The following GLIS3 variants were observed in gnomAD, a reference collection of about 807,000 sequenced individuals.
The protein encoded by GLIS3 is GLIS family zinc finger 3, also known as zinc finger protein GLIS3.
GLIS3 carries 53 observed loss-of-function variants against 78.6 expected under a neutral mutation model. That is an observed-to-expected ratio of 0.67 (90% confidence interval 0.54 to 0.85). The LOEUF is 0.85. Among genes scored for constraint, GLIS3 ranks in the 40% least tolerant of loss-of-function variants. GLIS3 has a pLI of 0.00. For synonymous variants in GLIS3, 684 were observed against 509.9 expected, an observed-to-expected ratio of 1.34 and a Z score of -4.60; for missense variants, 1,703 against 1,231.1, an observed-to-expected ratio of 1.38 and a Z score of -5.74.
At chr9:4,424,749 T>C in the GLIS3 span, among the ~76,000 whole-genome samples, 1 of 152,112 alleles carries the variant, frequency 6.6e-6, no homozygotes. Flanking sequence ...ATTTTATTCA[T>C]TGTAGAGACG....
At chr9:4,002,861 G>C (rs1417738043) in intron 4 of GLIS3, among the ~76,000 whole-genome samples, 2 of 152,130 alleles carry the variant, frequency 1.3e-5, no homozygotes, top group African/African-American at 4.8e-5. Context: ...TTAAATATGA[G>C]CGTGATGGTT....
At chr9:3,882,858 A>C (rs1362728393) in intron 7 of GLIS3, among the ~76,000 whole-genome samples, 2 of 152,200 alleles carry the variant, frequency 1.3e-5, no homozygotes, top group African/African-American at 2.4e-5. Flanking sequence ...ACTTGCCTTT[A>C]CTTTCTATAG....
chr9:4,245,331 TA>T (rs1213704149), intron 2 of GLIS3, among the ~76,000 whole-genome samples: 1 of 152,156 alleles, frequency 6.6e-6, no homozygotes, highest in East Asian at 1.9e-4. Context: ...TTACAAAAGG[TA>T]AAAGTCACAG....
intron 4 of GLIS3, among the ~76,000 whole-genome samples, chr9:4,084,134 T>C (rs7861853): frequency 0.41 from 61,714 of 151,856 alleles, 12,467 homozygotes; most frequent in Admixed American, 0.44. Flanking sequence ...GGCTTGGTAG[T>C]ATTAAAAAGA....
intron 2 of GLIS3, among the ~76,000 whole-genome samples, chr9:4,133,159 AT>A (rs1453020311): frequency 6.6e-6 from 1 of 152,230 alleles, no homozygotes; most frequent in Non-Finnish European, 1.5e-5. Flanking sequence ...CTTATTTTGT[AT>A]TACAGTATTA....
intron 2 of GLIS3, among the ~76,000 whole-genome samples, chr9:4,170,187 C>T (rs747746459): frequency 3.9e-5 from 6 of 152,260 alleles, no homozygotes; most frequent in Non-Finnish European, 7.4e-5. Context: ...TCTGAAGAAA[C>T]TTTTCTTGAA....
At chr9:4,385,934 A>C in the GLIS3 span, among the ~76,000 whole-genome samples, 1 of 152,314 alleles carries the variant, frequency 6.6e-6, no homozygotes, top group Admixed American at 6.5e-5. Flanking sequence ...ATCTGTACCA[A>C]TCATGCAACA....
At chr9:4,154,796 A>G (rs1176195329) in intron 2 of GLIS3, among the ~76,000 whole-genome samples, 3 of 152,232 alleles carry the variant, frequency 2.0e-5, no homozygotes, top group Non-Finnish European at 2.9e-5. Context: ...TCATCTGACC[A>G]AATAATCTAC....
intron 4 of GLIS3, among the ~76,000 whole-genome samples, chr9:3,946,167 C>T (rs960525676): frequency 2.6e-5 from 4 of 152,186 alleles, no homozygotes; most frequent in African/African-American, 9.7e-5. Context: ...TTGCCTACTG[C>T]CTTGCTAACA....
intron 9 of GLIS3, among the ~76,000 whole-genome samples, chr9:3,847,446 C>T (rs1025969267): frequency 5.9e-5 from 9 of 152,214 alleles, no homozygotes; most frequent in Non-Finnish European, 8.8e-5. Context: ...TATTGTGGGA[C>T]AATGTAGTCC....
At chr9:4,314,194 G>A (rs1817405250) in intron 2 of GLIS3, among the ~76,000 whole-genome samples, 2 of 152,214 alleles carry the variant, frequency 1.3e-5, no homozygotes, top group South Asian at 4.1e-4. Flanking sequence ...TTTATAAAAT[G>A]TGTGAAATGA....
intron 4 of GLIS3, among the ~76,000 whole-genome samples, chr9:3,939,365 T>C (rs926811308): frequency 1.3e-5 from 2 of 152,252 alleles, no homozygotes; most frequent in Non-Finnish European, 2.9e-5. Flanking sequence ...GTTCACTTGA[T>C]AAGACATAAA....
the GLIS3 span, among the ~76,000 whole-genome samples, chr9:4,383,800 C>A: frequency 6.6e-6 from 1 of 152,202 alleles, no homozygotes; most frequent in African/African-American, 2.4e-5. Context: ...TGACCACAAA[C>A]TTCTATGTTC....
chr9:3,843,352 A>G (rs1168366539), intron 9 of GLIS3, among the ~76,000 whole-genome samples: 2 of 152,154 alleles, frequency 1.3e-5, no homozygotes, highest in East Asian at 3.9e-4. Flanking sequence ...CTGAGTCTCT[A>G]TTATATATGG....
intron 2 of GLIS3, among the ~76,000 whole-genome samples, chr9:4,146,235 G>A (rs902629812): frequency 2.0e-5 from 3 of 152,254 alleles, no homozygotes; most frequent in African/African-American, 7.2e-5. Flanking sequence ...CTTTAATGTT[G>A]AAGGAAGGGG....
chr9:3,966,114 C>T (rs1050905475), intron 4 of GLIS3, among the ~76,000 whole-genome samples: 1 of 152,160 alleles, frequency 6.6e-6, no homozygotes, highest in Non-Finnish European at 1.5e-5. Context: ...AGAGTATAAG[C>T]TCTAAGAGGG....
chr9:4,428,011 C>G, the GLIS3 span, among the ~76,000 whole-genome samples: 1 of 151,426 alleles, frequency 6.6e-6, no homozygotes, highest in Admixed American at 6.6e-5. Flanking sequence ...ATATTTTCCA[C>G]ATAACCAAGT....
At chr9:4,087,899 T>C (rs1234060396) in intron 4 of GLIS3, among the ~76,000 whole-genome samples, 1 of 152,218 alleles carries the variant, frequency 6.6e-6, no homozygotes, top group African/African-American at 2.4e-5. Context: ...CATACCTTGG[T>C]TACCTCACTT....
chr9:4,276,112 C>T (rs1036972564), intron 2 of GLIS3, among the ~76,000 whole-genome samples: 2 of 151,184 alleles, frequency 1.3e-5, no homozygotes, highest in African/African-American at 4.9e-5. Context: ...AGAAAAACCC[C>T]ATATCTACAA....
Sources: allele counts gnomAD v4.1 joint callset (sites outside exome capture counted in the v4.1 genomes callset), GRCh38; gene constraint gnomAD v4.1.1; transcripts MANE v1.5; gene names NCBI Gene and HGNC (gene_info 2026-07-23, HGNC 2026-07-21).